Variants in SNTG2 observed in about 807,000 individuals in gnomAD.
SNTG2 encodes the protein gamma-2-syntrophin.
A neutral mutation model predicts 70.9 loss-of-function variants in SNTG2; 74 were observed. The ratio of observed to expected loss-of-function variants is 1.04; its 90% CI spans 0.86 to 1.27. SNTG2 has a LOEUF of 1.27. Ranked by LOEUF, SNTG2 falls within the 50% of genes most tolerant of loss-of-function variation. The pLI, the probability that SNTG2 is intolerant of heterozygous loss-of-function variation, is 0.00. For synonymous variants in SNTG2, 278 were observed against 273.8 expected, an observed-to-expected ratio of 1.02 and a Z score of -0.15; for missense variants, 717 against 690.7, an observed-to-expected ratio of 1.04 and a Z score of -0.43.
intron 16 of SNTG2, among the ~76,000 whole-genome samples, chr2:1,355,191 T>G (rs1660778819): frequency 6.6e-6 from 1 of 152,240 alleles, no homozygotes; most frequent in Non-Finnish European, 1.5e-5. Context: ...TTCGTATTTG[T>G]TTATGTGTGG....
At chr2:1,115,821 CA>C in intron 4 of SNTG2, among the ~76,000 whole-genome samples, 1 of 152,344 alleles carries the variant, frequency 6.6e-6, no homozygotes, top group South Asian at 2.1e-4. Flanking sequence ...CTCCCTTGTG[CA>C]GGGACAGTCA....
chr2:1,267,523 G>A lies in SNTG2; in HGVS notation c.1236G>A (p.Trp412Ter), dbSNP rs540867137. 4.3e-6 allele frequency: 7 copies of A among 1,613,630 alleles called. No homozygotes were observed. In the Middle Eastern group the frequency reaches 5.1e-4, roughly 118 times the overall value. The change falls in exon 14 of 17, where the codon TGG (tryptophan) becomes TGA (stop). Residue 412 changes from tryptophan to a stop codon, truncating the protein, a stop_gained. Coordinates refer to ENST00000308624, the MANE Select transcript of SNTG2 (RefSeq NM_018968.4). LOFTEE classifies it high-confidence loss of function. Reference protein sequence around the residue: ...NVELGSELAMWEKSFQRATFM... With the variant: ...NVELGSELAM Reference sequence around the variant, plus strand: ...AGCTTGGCAGCGAGCTGGCCATGTGGGAGAAGTCCTTCCAAAGAGCCACGT... The same window carrying A: ...AGCTTGGCAGCGAGCTGGCCATGTGAGAGAAGTCCTTCCAAAGAGCCACGT...
At chr2:981,724 A>G (rs1444408081) in intron 1 of SNTG2, among the ~76,000 whole-genome samples, 1 of 152,214 alleles carries the variant, frequency 6.6e-6, no homozygotes, top group African/African-American at 2.4e-5. Flanking sequence ...CAAGTCGTAC[A>G]CACATGCACA....
At chr2:1,134,303 C>T (rs1668219937) in intron 4 of SNTG2, among the ~76,000 whole-genome samples, 1 of 152,186 alleles carries the variant, frequency 6.6e-6, no homozygotes, top group Non-Finnish European at 1.5e-5. Context: ...ATTCTCTTAT[C>T]TGGCCCCACC....
At chr2:1,190,985 G>A (rs752183401) in intron 8 of SNTG2, among the ~76,000 whole-genome samples, 2 of 152,174 alleles carry the variant, frequency 1.3e-5, no homozygotes, top group African/African-American at 2.4e-5. Flanking sequence ...CACCAGAGCT[G>A]AATTTACATG....
chr2:1,176,742 C>T (rs888160494), intron 8 of SNTG2, among the ~76,000 whole-genome samples: 1 of 151,974 alleles, frequency 6.6e-6, no homozygotes, highest in Non-Finnish European at 1.5e-5. Flanking sequence ...TGAAGAAAGG[C>T]TCATCATCAC....
chr2:1,360,590 G>A (rs1222879555), intron 16 of SNTG2, among the ~76,000 whole-genome samples: 4 of 152,046 alleles, frequency 2.6e-5, no homozygotes, highest in African/African-American at 9.7e-5. Context: ...CCTTATATTT[G>A]TGTGACTAAA....
chr2:999,019 A>G lies in SNTG2; in HGVS notation c.72+47951A>G, dbSNP rs558825167. On this transcript the variant is annotated intron_variant, in intron 1 of 16. Coordinates refer to ENST00000308624, the MANE Select transcript of SNTG2 (RefSeq NM_018968.4). Reference sequence around the variant, plus strand: ...GGCTTCTTAATGATAAAAACTGTCAACCACAAATTTTATATCTTGCTACAC... The same window carrying G: ...GGCTTCTTAATGATAAAAACTGTCAGCCACAAATTTTATATCTTGCTACAC... Among the ~76,000 whole-genome samples the G allele has an allele frequency of 1.6e-4, 25 of 152,218 alleles. No homozygotes were observed. In the South Asian group the frequency reaches 5.2e-3, roughly 32 times the overall value.
intron 4 of SNTG2, among the ~76,000 whole-genome samples, chr2:1,113,663 T>A (rs942234359): frequency 1.3e-5 from 2 of 151,978 alleles, no homozygotes; most frequent in Admixed American, 6.6e-5. Context: ...GAGGATCATG[T>A]GTACTAAGTG....
intron 16 of SNTG2, among the ~76,000 whole-genome samples, chr2:1,363,005 A>G (rs1043202052): frequency 6.6e-6 from 1 of 152,158 alleles, no homozygotes; most frequent in Non-Finnish European, 1.5e-5. Flanking sequence ...CATGGAAGTC[A>G]CCAACGCTGA....
intron 14 of SNTG2, among the ~76,000 whole-genome samples, chr2:1,281,427 TGTG>T (rs1277082921): frequency 3.0e-5 from 4 of 133,938 alleles, no homozygotes; most frequent in African/African-American, 5.8e-5. Context: ...GTGTGTGTGG[TGTG>T]GTGTGTGTGT....
intron 4 of SNTG2, among the ~76,000 whole-genome samples, chr2:1,134,795 C>A (rs1572527281): frequency 6.6e-6 from 1 of 152,142 alleles, no homozygotes; most frequent in South Asian, 2.1e-4. Context: ...GTTGGGGAGG[C>A]TCCAGCCGCA....
At chr2:982,543 G>A (rs529071757) in intron 1 of SNTG2, among the ~76,000 whole-genome samples, 26 of 152,276 alleles carry the variant, frequency 1.7e-4, no homozygotes, top group African/African-American at 6.3e-4. Context: ...TGAGTAGTTA[G>A]TAATGCACTA....
intron 8 of SNTG2, among the ~76,000 whole-genome samples, chr2:1,189,797 T>G (rs1469853064): frequency 6.6e-6 from 1 of 152,138 alleles, no homozygotes; most frequent in Admixed American, 6.5e-5. Context: ...TCCACCCACT[T>G]TGGCCTCCCA....
chr2:1,072,077 A>T (rs1286929651), intron 1 of SNTG2, among the ~76,000 whole-genome samples: 1 of 152,188 alleles, frequency 6.6e-6, no homozygotes, highest in African/African-American at 2.4e-5. Context: ...GCTGATGGAG[A>T]AGCTGCAGCA....
At chr2:1,336,225 A>C (rs1558215857) in intron 16 of SNTG2, among the ~76,000 whole-genome samples, 1 of 152,150 alleles carries the variant, frequency 6.6e-6, no homozygotes, top group Admixed American at 6.5e-5. Context: ...GTGACACTGA[A>C]CATTTGTTTC....
intron 8 of SNTG2, among the ~76,000 whole-genome samples, chr2:1,201,111 T>C (rs899487767): frequency 1.3e-5 from 2 of 151,988 alleles, no homozygotes; most frequent in African/African-American, 4.8e-5. Context: ...GTTTATTGCA[T>C]CATTATCCAC....
intron 1 of SNTG2, among the ~76,000 whole-genome samples, chr2:1,048,644 A>G (rs1034265755): frequency 6.6e-6 from 1 of 152,086 alleles, no homozygotes; most frequent in African/African-American, 2.4e-5. Flanking sequence ...ATCCTTTCAT[A>G]TGTCTTTAGA....
chr2:1,314,591 G>A (rs1051426488), intron 15 of SNTG2, among the ~76,000 whole-genome samples: 1 of 152,226 alleles, frequency 6.6e-6, no homozygotes, highest in African/African-American at 2.4e-5. Context: ...TTGCCTCAGT[G>A]CCCCAGTACT....
Sources: allele counts gnomAD v4.1 joint callset (sites outside exome capture counted in the v4.1 genomes callset), GRCh38; gene constraint gnomAD v4.1.1; transcripts MANE v1.5; gene names NCBI Gene and HGNC (gene_info 2026-07-23, HGNC 2026-07-21).